Variants in ABCC9 observed in about 807,000 individuals in gnomAD.
The protein encoded by ABCC9 is ATP-binding cassette sub-family C member 9.
Under a neutral mutation model 188.3 loss-of-function variants are expected in ABCC9, and 95 were observed. The ratio of observed to expected loss-of-function variants is 0.50; its 90% CI spans 0.43 to 0.60. ABCC9 has a LOEUF of 0.60. Among genes scored for constraint, ABCC9 ranks in the 20% least tolerant of loss-of-function variants. The pLI is 0.00. For missense variants in ABCC9, 1,102 were observed against 1,876.3 expected, an observed-to-expected ratio of 0.59 and a Z score of 7.62; for synonymous variants, 659 against 652.7, an observed-to-expected ratio of 1.01 and a Z score of -0.15.
chr12:21,901,813 A>G (rs1044202055), intron 12 of ABCC9, among the ~76,000 whole-genome samples: 1 of 152,214 alleles, frequency 6.6e-6, no homozygotes, highest in Non-Finnish European at 1.5e-5. Flanking sequence ...GCAAGTCCTT[A>G]GAGACCTACA....
chr12:21,879,624 A>ATT (rs1161656502), intron 16 of ABCC9, among the ~76,000 whole-genome samples: 3 of 148,556 alleles, frequency 2.0e-5, no homozygotes, highest in African/African-American at 4.9e-5. Context: ...AATGAAAAGA[A>ATT]TTTTTTTTTT....
rs772110955 is a variant in ABCC9, at chr12:21,872,718, AT to A, written c.2104del (p.Met702Ter). The A allele has an allele frequency of 1.2e-6, 2 of 1,613,430 alleles. No homozygotes were observed. The highest frequency in any genetic ancestry group is 1.7e-6 in the Non-Finnish European group (2 of 1,179,416). ...CCCACATCCTACTTGGCCCACAATC[AT>A]GGTTAACTGACCTAGGAAAGCAAAA... Reference protein sequence around the residue: ...DIRIPTGQLTMIVGQVGCGKS... With the variant: ...DIRIPTGQLTXIVGQVGCGKS... On this transcript the variant is annotated frameshift_variant, in exon 18 of 40. Coordinates refer to ENST00000261200, the MANE Select transcript of ABCC9 (RefSeq NM_020297.4). LOFTEE classifies it high-confidence loss of function.
chr12:21,905,530 T>C (rs2137832659), intron 12 of ABCC9, among the ~76,000 whole-genome samples: 1 of 152,178 alleles, frequency 6.6e-6, no homozygotes, highest in East Asian at 1.9e-4. Flanking sequence ...AATAGAACGA[T>C]GTCTTTTGTT....
chr12:21,930,076 A>G (rs1243076896), intron 4 of ABCC9, among the ~76,000 whole-genome samples: 1 of 148,406 alleles, frequency 6.7e-6, no homozygotes, highest in Non-Finnish European at 1.5e-5. Flanking sequence ...GAGTGAGAAC[A>G]TGCGGTGTTT....
intron 31 of ABCC9, among the ~76,000 whole-genome samples, chr12:21,822,544 A>G (rs1943102331): frequency 1.3e-5 from 2 of 152,146 alleles, no homozygotes; most frequent in African/African-American, 4.8e-5. Flanking sequence ...TCATTCCTGT[A>G]ATCCCAGCAC....
intron 4 of ABCC9, among the ~76,000 whole-genome samples, chr12:21,931,955 G>A (rs1017505673): frequency 2.0e-5 from 3 of 152,038 alleles, no homozygotes; most frequent in African/African-American, 7.2e-5. Flanking sequence ...AAAATAGTTG[G>A]TTCCATGACA....
Position 21,910,980 on chromosome 12 carries a change from T to C in ABCC9, c.1012-2A>G, listed in dbSNP as rs1345994016. The C allele has an allele frequency of 1.2e-6, 2 of 1,611,794 alleles. No homozygotes were observed. Among genetic ancestry groups the C allele is most frequent in the Non-Finnish European group, 1.7e-6 (2 of 1,178,406 alleles). On this transcript the variant is annotated splice_acceptor_variant, in intron 8 of 39. Transcript: ENST00000261200. LOFTEE classifies it high-confidence loss of function. ...CTTTGATGAGAGGGTTTCTGAAATC[T>C]GGTCCCCAAAGAAAAAAAGTGTCAT...
At chr12:21,904,627 C>T (rs531596756) in intron 12 of ABCC9, among the ~76,000 whole-genome samples, 21 of 152,284 alleles carry the variant, frequency 1.4e-4, no homozygotes, top group South Asian at 4.1e-4. Context: ...AGGGTCTGAA[C>T]AGACACTTCT....
At chr12:21,831,632 G>T (rs868374247) in intron 30 of ABCC9, among the ~76,000 whole-genome samples, 10 of 152,140 alleles carry the variant, frequency 6.6e-5, no homozygotes, top group Non-Finnish European at 8.8e-5. Context: ...AGAGAGGAAG[G>T]GTTAAGCAAG....
intron 18 of ABCC9, chr12:21,869,806 T>C (rs958065408): frequency 2.0e-5 from 3 of 152,234 alleles, no homozygotes; most frequent in African/African-American, 7.2e-5. Context: ...TTGTCTTGTC[T>C]TGTTCAATTC....
chr12:21,921,921 C>T (rs1044976153), intron 5 of ABCC9, among the ~76,000 whole-genome samples: 2 of 151,870 alleles, frequency 1.3e-5, no homozygotes, highest in African/African-American at 4.8e-5. Flanking sequence ...TTCTGTTCCA[C>T]TTATCTATGT....
At chr12:21,853,506 C>T (rs1592074172) in intron 22 of ABCC9, among the ~76,000 whole-genome samples, 4 of 151,978 alleles carry the variant, frequency 2.6e-5, no homozygotes, top group Admixed American at 2.6e-4. Flanking sequence ...CTAACACTTC[C>T]TGATGACAGT....
intron 33 of ABCC9, among the ~76,000 whole-genome samples, chr12:21,816,656 A>G (rs956815077): frequency 3.9e-5 from 6 of 152,214 alleles, no homozygotes; most frequent in African/African-American, 1.4e-4. Flanking sequence ...GGGTTGGCTA[A>G]TGAAGGGGCT....
chr12:21,890,460 T>C (rs1241797182), intron 14 of ABCC9, among the ~76,000 whole-genome samples: 1 of 152,174 alleles, frequency 6.6e-6, no homozygotes, highest in Admixed American at 6.6e-5. Context: ...GTGAATATAC[T>C]GCTCCTGCTG....
At chr12:21,871,352 G>A (rs1007054594) in intron 18 of ABCC9, among the ~76,000 whole-genome samples, 3 of 152,228 alleles carry the variant, frequency 2.0e-5, no homozygotes, top group Non-Finnish European at 1.5e-5. Flanking sequence ...CTGGGTATGC[G>A]CTAAACAGTT....
intron 28 of ABCC9, among the ~76,000 whole-genome samples, chr12:21,843,843 G>C (rs949640145): frequency 1.3e-5 from 2 of 152,068 alleles, no homozygotes; most frequent in African/African-American, 4.8e-5. Context: ...TCTAATTGAG[G>C]GCCATTTCGG....
At chr12:21,916,709 C>G (rs1445513715) in intron 6 of ABCC9, among the ~76,000 whole-genome samples, 2 of 152,140 alleles carry the variant, frequency 1.3e-5, no homozygotes, top group East Asian at 3.9e-4. Context: ...ACATAGCAAG[C>G]ATTTGATCAA....
At chr12:21,814,769 C>T (rs773138429) in intron 34 of ABCC9, 47 bp from the exon 35 acceptor site, 1 of 1,506,038 alleles carries the variant, frequency 6.6e-7, no homozygotes, top group Non-Finnish European at 9.2e-7. Flanking sequence ...CAGAAAAGGA[C>T]AGAAGATTAG....
At chr12:21,906,677 A>G (rs546029411) in intron 11 of ABCC9, among the ~76,000 whole-genome samples, 1 of 152,242 alleles carries the variant, frequency 6.6e-6, no homozygotes, top group South Asian at 2.1e-4. Context: ...AGTCAGCTCT[A>G]TCACTCATAC....
Sources: allele counts gnomAD v4.1 joint callset (sites outside exome capture counted in the v4.1 genomes callset), GRCh38; gene constraint gnomAD v4.1.1; transcripts MANE v1.5; gene names NCBI Gene and HGNC (gene_info 2026-07-23, HGNC 2026-07-21).